HMCN1: variants seen among roughly 807,000 people sequenced by gnomAD.
The protein encoded by HMCN1 is hemicentin 1, also known as hemicentin-1.
In HMCN1, 321 loss-of-function variants were observed where a neutral mutation model predicts 625.9. The ratio of observed to expected loss-of-function variants is 0.51; its 90% CI spans 0.47 to 0.56. The LOEUF (loss-of-function observed/expected upper bound fraction) is 0.56. Among genes scored for constraint, HMCN1 ranks in the 20% least tolerant of loss-of-function variants. The probability of loss-of-function intolerance (pLI) is 0.00; values close to 1 mark genes in which losing one functional copy is unlikely to be tolerated. For synonymous variants in HMCN1, 2,425 were observed against 2,417.6 expected (o/e 1.00, Z -0.09); for missense variants, 6,588 against 6,887.3 (o/e 0.96, Z 1.54).
intron 46 of HMCN1, among the ~76,000 whole-genome samples, chr1:186,059,253 T>C (rs903036030): frequency 6.6e-6 from 1 of 152,050 alleles, no homozygotes; most frequent in Non-Finnish European, 1.5e-5. Context: ...ATGACAAAGA[T>C]TGTATTAAAA....
intron 104 of HMCN1, among the ~76,000 whole-genome samples, chr1:186,180,694 C>T (rs1259159781): frequency 3.3e-5 from 5 of 152,180 alleles, no homozygotes; most frequent in Admixed American, 1.3e-4. Flanking sequence ...GAGGCAGCCA[C>T]TCTTTCACAG....
intron 6 of HMCN1, among the ~76,000 whole-genome samples, chr1:185,912,347 T>C (rs992287442): frequency 1.3e-5 from 2 of 152,206 alleles, no homozygotes; most frequent in East Asian, 3.9e-4. Context: ...GGCTTTTTTT[T>C]ATTTGGTGGA....
chr1:186,044,115 G>T (rs140614395), intron 40 of HMCN1, among the ~76,000 whole-genome samples: 5 of 152,080 alleles, frequency 3.3e-5, no homozygotes, highest in African/African-American at 1.2e-4. Context: ...GGCACTAATT[G>T]TGCTCACTTT....
At chr1:185,759,284 A>G (rs1655333459) in intron 1 of HMCN1, among the ~76,000 whole-genome samples, 2 of 152,200 alleles carry the variant, frequency 1.3e-5, no homozygotes, top group East Asian at 3.8e-4. Context: ...GGTCAGTCAT[A>G]TGGCTGTTGA....
chr1:186,177,388 T>C (rs1652666113), intron 103 of HMCN1: 1 of 151,528 alleles, frequency 6.6e-6, no homozygotes, highest in African/African-American at 2.4e-5. Flanking sequence ...CAGGGCAATG[T>C]CATTCAGAAA....
chr1:186,006,746 T>C (rs184257721), intron 29 of HMCN1, among the ~76,000 whole-genome samples: 131 of 151,724 alleles, frequency 8.6e-4, no homozygotes, highest in Non-Finnish European at 8.1e-4. Context: ...CTGTAATATT[T>C]AAAACTCTTA....
At chr1:186,033,458 T>A (rs967403114) in intron 36 of HMCN1, among the ~76,000 whole-genome samples, 10 of 152,106 alleles carry the variant, frequency 6.6e-5, no homozygotes, top group Admixed American at 2.0e-4. Context: ...TAACATAAAT[T>A]GTATAGTAGT....
At chr1:185,976,355 A>C (rs1344126138) in intron 15 of HMCN1, among the ~76,000 whole-genome samples, 1 of 152,168 alleles carries the variant, frequency 6.6e-6, no homozygotes, top group Non-Finnish European at 1.5e-5. Context: ...CCAGGTAGTA[A>C]CATTTATAAA....
intron 1 of HMCN1, among the ~76,000 whole-genome samples, chr1:185,768,995 A>G (rs1656053680): frequency 6.6e-6 from 1 of 152,192 alleles, no homozygotes; most frequent in Admixed American, 6.5e-5. Flanking sequence ...ATATGAAAAT[A>G]TTTGTTTCTA....
chr1:185,814,260 C>A (rs1323147653), intron 1 of HMCN1, among the ~76,000 whole-genome samples: 4 of 152,136 alleles, frequency 2.6e-5, no homozygotes, highest in Non-Finnish European at 5.9e-5. Context: ...TAGTCTCTGA[C>A]TTAAATGTTT....
intron 39 of HMCN1, among the ~76,000 whole-genome samples, chr1:186,040,229 G>T (rs1238276162): frequency 6.6e-6 from 1 of 152,080 alleles, no homozygotes; most frequent in Non-Finnish European, 1.5e-5. Context: ...TTTTCTGGTA[G>T]ACTTTAGGTT....
At chr1:186,095,650 A>AT (rs766141965) in intron 68 of HMCN1, 129 bp downstream of exon 68, 4 of 887,266 alleles carry the variant, frequency 4.5e-6, no homozygotes, top group East Asian at 2.7e-5. Context: ...TTGCATTTTA[A>AT]TTTTTTTTAT....
chr1:185,940,953 G>C (rs1668049594), intron 11 of HMCN1, among the ~76,000 whole-genome samples: 1 of 152,020 alleles, frequency 6.6e-6, no homozygotes, highest in African/African-American at 2.4e-5. Context: ...GTAGAGACGG[G>C]GTTTCTCCAT....
chr1:185,845,250 C>T (rs935469640), intron 1 of HMCN1, among the ~76,000 whole-genome samples: 3 of 152,096 alleles, frequency 2.0e-5, no homozygotes, highest in African/African-American at 4.8e-5. Flanking sequence ...GATGGAGTCT[C>T]GCTGTCTCCC....
intron 11 of HMCN1, among the ~76,000 whole-genome samples, chr1:185,960,052 T>C (rs1375978574): frequency 1.3e-5 from 2 of 152,124 alleles, no homozygotes; most frequent in African/African-American, 4.8e-5. Context: ...CATTCAACTG[T>C]TATTTGGTAG....
At chr1:186,019,748 G>A (rs1021107114) in intron 35 of HMCN1, 53 bp downstream of exon 35, 110 of 1,434,122 alleles carry the variant, frequency 7.7e-5, no homozygotes, top group Non-Finnish European at 1.0e-4. Context: ...ATATCTTCCT[G>A]GAAATATCAA....
intron 1 of HMCN1, among the ~76,000 whole-genome samples, chr1:185,770,047 A>C (rs528673817): frequency 6.6e-6 from 1 of 152,174 alleles, no homozygotes; most frequent in East Asian, 1.9e-4. Context: ...TACATTTCAG[A>C]GGGTATGCAT....
chr1:185,846,222 A>G lies in HMCN1; in HGVS notation c.339+126A>G. Reference sequence around the variant, plus strand: ...TTTTAAGGGACCCAATAATTGCCACATCCCCCAGCCCTCAACCTGAGTCTG... The same window carrying G: ...TTTTAAGGGACCCAATAATTGCCACGTCCCCCAGCCCTCAACCTGAGTCTG... On this transcript the variant is annotated intron_variant, in intron 2 of 106. Transcript: ENST00000271588. The G allele has an allele frequency of 5.6e-6, 4 of 709,370 alleles. No homozygotes were observed. The South Asian group carries it at 6.4e-5, about 11-fold the overall frequency. The allele number at this position is 709,370 out of a possible 1,614,324, so 43.9% of individuals were successfully genotyped here.
chr1:186,153,991 A>AT lies in HMCN1; in HGVS notation c.15256+7dup. 1 of 1,605,656 alleles carries AT rather than the reference A, an allele frequency of 6.2e-7. No individual in the cohort carries two copies. Among genetic ancestry groups the AT allele is most frequent in the Non-Finnish European group, 8.5e-7 (1 of 1,172,400 alleles). On this transcript the variant is annotated splice_donor_region_variant and intron_variant, in intron 97 of 106. Coordinates refer to ENST00000271588, the MANE Select transcript of HMCN1 (RefSeq NM_031935.3). ...ATTCATGCTTCAATATCCAAAGGTA[A>AT]TTTGATAAAAGAAAATCCATATCTT...
Sources: allele counts gnomAD v4.1 joint callset (sites outside exome capture counted in the v4.1 genomes callset), GRCh38; gene constraint gnomAD v4.1.1; transcripts MANE v1.5; gene names NCBI Gene and HGNC (gene_info 2026-07-23, HGNC 2026-07-21).